The following CLSTN2 variants were observed in gnomAD, a reference collection of about 807,000 sequenced individuals.
CLSTN2 encodes the protein calsyntenin 2, also known as calsyntenin-2.
Under a neutral mutation model 101.2 loss-of-function variants are expected in CLSTN2, and 48 were observed. That is an observed-to-expected ratio of 0.47 (90% CI 0.38 to 0.60). The LOEUF is 0.60. Ranked by LOEUF, CLSTN2 falls within the 20% of genes least tolerant of loss-of-function variation. CLSTN2 has a pLI of 0.00. For synonymous variants in CLSTN2, 481 were observed against 463.6 expected (o/e 1.04, Z -0.48); for missense variants, 1,160 against 1,238.2 (o/e 0.94, Z 0.95).
chr3:140,111,264 T>A (rs1014507263), intron 1 of CLSTN2, among the ~76,000 whole-genome samples: 4 of 152,142 alleles, frequency 2.6e-5, no homozygotes, highest in Admixed American at 2.0e-4. Context: ...CTTCTTTCCC[T>A]CCCCTCTCTA....
At chr3:140,214,773 G>A (rs978692141) in intron 2 of CLSTN2, among the ~76,000 whole-genome samples, 6 of 152,194 alleles carry the variant, frequency 3.9e-5, no homozygotes, top group Non-Finnish European at 2.9e-5. Context: ...CAGCATAGGG[G>A]AAGAAATTCA....
intron 1 of CLSTN2, among the ~76,000 whole-genome samples, chr3:140,161,658 A>G (rs1560113581): frequency 6.6e-6 from 1 of 152,178 alleles, no homozygotes; most frequent in Non-Finnish European, 1.5e-5. Context: ...TTGCCTGGAT[A>G]ACTTTGGTTA....
At chr3:140,313,394 G>A (rs2087193591) in intron 2 of CLSTN2, among the ~76,000 whole-genome samples, 1 of 152,140 alleles carries the variant, frequency 6.6e-6, no homozygotes, top group African/African-American at 2.4e-5. Context: ...GGCTAAAAGG[G>A]GAGGAATTTT....
At chr3:140,123,511 C>T (rs959092978) in intron 1 of CLSTN2, among the ~76,000 whole-genome samples, 5 of 152,122 alleles carry the variant, frequency 3.3e-5, no homozygotes, top group Non-Finnish European at 7.4e-5. Flanking sequence ...CTAGAGCATG[C>T]GGGATACCTC....
At chr3:140,299,540 A>G (rs1345335336) in intron 2 of CLSTN2, among the ~76,000 whole-genome samples, 1 of 152,152 alleles carries the variant, frequency 6.6e-6, no homozygotes, top group Non-Finnish European at 1.5e-5. Flanking sequence ...GAAGTAGCAG[A>G]GCCTTCAGCC....
intron 6 of CLSTN2, 144 bp from the exon 7 acceptor site, chr3:140,459,377 T>C (rs17348537): frequency 0.046 from 42,485 of 914,886 alleles, 1,062 homozygotes; most frequent in Non-Finnish European, 0.053. Context: ...ATTTAGCACT[T>C]CTTTTCCTAA....
chr3:140,339,907 T>C (rs907317853), intron 2 of CLSTN2, among the ~76,000 whole-genome samples: 2 of 152,180 alleles, frequency 1.3e-5, no homozygotes, highest in Non-Finnish European at 2.9e-5. Context: ...GGTTTTAGAA[T>C]TGGATGTGGG....
chr3:140,368,471 C>T (rs1209394219), intron 2 of CLSTN2, among the ~76,000 whole-genome samples: 1 of 152,178 alleles, frequency 6.6e-6, no homozygotes, highest in East Asian at 1.9e-4. Context: ...TAAATGGCCC[C>T]ATCATCACAG....
Position 140,565,991 on chromosome 3 carries a change from A to G in CLSTN2, c.2668-62A>G, listed in dbSNP as rs1171909213. On this transcript the variant is annotated intron_variant, in intron 16 of 16. Transcript: ENST00000458420. Reference sequence around the variant, plus strand: ...TTTCCTTAATGGATGGAGAGACATAAGCTCCAAAATGGCCTCTGTTCAGCC... The same window carrying G: ...TTTCCTTAATGGATGGAGAGACATAGGCTCCAAAATGGCCTCTGTTCAGCC... 1.9e-6 allele frequency: 3 copies of G among 1,603,146 alleles called. No individual in the cohort carries two copies. The Admixed American group carries it at 5.1e-5, about 27-fold the overall frequency.
At chr3:140,025,587 G>C (rs1013337770) in intron 1 of CLSTN2, among the ~76,000 whole-genome samples, 2 of 152,218 alleles carry the variant, frequency 1.3e-5, no homozygotes, top group African/African-American at 4.8e-5. Flanking sequence ...GGGGTTGACA[G>C]ATGATGAGGA....
At chr3:140,524,522 TAGTC>T (rs1308283684) in intron 8 of CLSTN2, among the ~76,000 whole-genome samples, 1 of 152,196 alleles carries the variant, frequency 6.6e-6, no homozygotes, top group African/African-American at 2.4e-5. Flanking sequence ...CTGACAGTGT[TAGTC>T]AGATCATTGA....
chr3:140,111,268 C>T (rs763774825), intron 1 of CLSTN2, among the ~76,000 whole-genome samples: 5 of 152,178 alleles, frequency 3.3e-5, no homozygotes, highest in Non-Finnish European at 7.3e-5. Context: ...TTTCCCTCCC[C>T]TCTCTATCTG....
At chr3:139,993,538 G>A (rs1380283570) in intron 1 of CLSTN2, among the ~76,000 whole-genome samples, 1 of 152,136 alleles carries the variant, frequency 6.6e-6, no homozygotes, top group Non-Finnish European at 1.5e-5. Context: ...GCCTCACCTT[G>A]ATCCCCAGTG....
intron 4 of CLSTN2, among the ~76,000 whole-genome samples, chr3:140,418,189 A>G (rs1343735240): frequency 6.6e-6 from 1 of 152,174 alleles, no homozygotes; most frequent in African/African-American, 2.4e-5. Flanking sequence ...GTTATATTAA[A>G]GTGCTTCCAC....
intron 2 of CLSTN2, among the ~76,000 whole-genome samples, chr3:140,352,356 A>G (rs77815417): frequency 0.037 from 5,619 of 152,262 alleles, 120 homozygotes; most frequent in South Asian, 0.081. Context: ...TTCCCATTAC[A>G]ATACAGTCTT....
At chr3:140,353,597 G>A (rs1020376491) in intron 2 of CLSTN2, among the ~76,000 whole-genome samples, 6 of 151,930 alleles carry the variant, frequency 3.9e-5, no homozygotes, top group African/African-American at 1.5e-4. Context: ...TCAATACTTC[G>A]CATCCTTCAA....
chr3:140,035,942 G>T (rs550845926), intron 1 of CLSTN2, among the ~76,000 whole-genome samples: 4 of 152,166 alleles, frequency 2.6e-5, no homozygotes, highest in African/African-American at 9.7e-5. Flanking sequence ...CCAGTTGCTC[G>T]GGTAACATAT....
chr3:140,293,446 C>T (rs1030976806), intron 2 of CLSTN2, among the ~76,000 whole-genome samples: 5 of 152,134 alleles, frequency 3.3e-5, no homozygotes, highest in African/African-American at 1.2e-4. Flanking sequence ...GTGACAGGGG[C>T]CTGTCTTCCA....
chr3:140,121,845 G>C (rs1169487496), intron 1 of CLSTN2, among the ~76,000 whole-genome samples: 1 of 152,190 alleles, frequency 6.6e-6, no homozygotes, highest in African/African-American at 2.4e-5. Flanking sequence ...TCATAGGCTG[G>C]ACATGCATGA....
Sources: gnomAD v4.1 joint callset for allele counts (sites outside exome capture counted in the v4.1 genomes callset) on GRCh38, gnomAD v4.1.1 for gene constraint, MANE v1.5 for transcripts, NCBI Gene and HGNC (gene_info 2026-07-23, HGNC 2026-07-21) for gene names.